The following HOOK1 variants were observed in gnomAD, a reference collection of about 807,000 sequenced individuals.
HOOK1 encodes hook microtubule tethering protein 1, also known as protein Hook homolog 1.
HOOK1 carries 60 observed loss-of-function variants against 112.8 expected under a neutral mutation model. The ratio of observed to expected loss-of-function variants is 0.53; its 90% CI spans 0.43 to 0.66. HOOK1 has a LOEUF of 0.66. Ranked by LOEUF, HOOK1 falls within the 30% of genes least tolerant of loss-of-function variation. HOOK1 has a pLI of 0.00. For synonymous variants in HOOK1, 294 were observed against 283.8 expected (o/e 1.04, Z -0.36); for missense variants, 770 against 856.0 (o/e 0.90, Z 1.25).
At chr1:59,853,476 G>T (rs2102052835) in intron 12 of HOOK1, among the ~76,000 whole-genome samples, 1 of 151,562 alleles carries the variant, frequency 6.6e-6, no homozygotes, top group East Asian at 1.9e-4. Context: ...AACTATATTT[G>T]TGTCTTTTAT....
chr1:59,815,626 A>G (rs568149418), intron 1 of HOOK1, among the ~76,000 whole-genome samples: 1 of 151,450 alleles, frequency 6.6e-6, no homozygotes, highest in African/African-American at 2.4e-5. Context: ...TCCTCAAACT[A>G]CCTTGCTCTA....
At chr1:59,828,570 G>T (rs144595394) in intron 2 of HOOK1, among the ~76,000 whole-genome samples, 1 of 152,056 alleles carries the variant, frequency 6.6e-6, no homozygotes, top group African/African-American at 2.4e-5. Context: ...AGGGCACCTA[G>T]TATTAAATAT....
At chr1:59,854,792 T>G (rs999891897) in intron 12 of HOOK1, among the ~76,000 whole-genome samples, 1 of 152,238 alleles carries the variant, frequency 6.6e-6, no homozygotes, top group Admixed American at 6.5e-5. Context: ...TTTATTGTAC[T>G]TTGAATTTGT....
rs542245094 is a variant in HOOK1 at position 59,875,908 on chromosome 1, C to T, written c.*2943C>T. The T allele has an allele frequency of 6.6e-6, 1 of 152,516 alleles. No homozygotes were observed. The highest frequency in any genetic ancestry group is 1.9e-4 in the East Asian group (1 of 5,188). 9.4% of individuals were successfully genotyped at this position (152,516 alleles called of 1,614,324 possible). On this transcript the variant is annotated 3_prime_UTR_variant, in exon 22 of 22. Coordinates refer to ENST00000371208, the MANE Select transcript of HOOK1 (RefSeq NM_015888.6). ...GTCATCATTTCTGATAATTAGAGTG[C>T]TAATTTGAATGTTAGATAATGTTTC...
chr1:59,850,731 AAG>A (rs1036724965), intron 12 of HOOK1, among the ~76,000 whole-genome samples: 5 of 151,536 alleles, frequency 3.3e-5, no homozygotes, highest in African/African-American at 7.2e-5. Context: ...GTATAACAAA[AAG>A]AGTAAACTGC....
rs1217469878 is a variant in HOOK1 at position 59,856,878 on chromosome 1, G to A, written c.1243-1550G>A. On this transcript the variant is annotated intron_variant, in intron 12 of 21. Coordinates refer to ENST00000371208, the MANE Select transcript of HOOK1 (RefSeq NM_015888.6). ...TGTTTATCCAGTGCTGAGACAATGC[G>A]GGCCCTCTCATGTCTTTTCTGGGCA... Among the ~76,000 whole-genome samples the A allele has an allele frequency of 5.3e-5, 8 of 152,136 alleles. No homozygotes were observed. The South Asian group carries it at 6.2e-4, about 12-fold the overall frequency.
chr1:59,848,234 G>T, intron 10 of HOOK1, 81 bp from the exon 11 acceptor site: 6 of 973,354 alleles, frequency 6.2e-6, no homozygotes, highest in Non-Finnish European at 9.2e-6. Context: ...TGATAGTTTG[G>T]AAGATTCATT....
Position 59,815,454 on chromosome 1 carries a change from G to A in HOOK1, c.63+274G>A, listed in dbSNP as rs147210328. On this transcript the variant is annotated intron_variant, in intron 1 of 21. Coordinates refer to ENST00000371208, the MANE Select transcript of HOOK1 (RefSeq NM_015888.6). Reference sequence around the variant, plus strand: ...AACCAGAGGATTCGACCTGCCTGGTGCCCTAACAGCTGGGATATGAACCAA... The same window carrying A: ...AACCAGAGGATTCGACCTGCCTGGTACCCTAACAGCTGGGATATGAACCAA... 1.5e-3 allele frequency: 757 copies of A among 510,880 alleles called. 6 individuals carry two copies. The highest frequency in any genetic ancestry group is 0.014 in the African/African-American group (684 of 49,228). The allele number at this position is 510,880 out of a possible 1,614,324, so 31.6% of individuals were successfully genotyped here.
chr1:59,842,850 A>G (rs2098401704), intron 8 of HOOK1, among the ~76,000 whole-genome samples: 1 of 152,088 alleles, frequency 6.6e-6, no homozygotes. Flanking sequence ...GGTACTGATA[A>G]TGATGTGGTT....
intron 12 of HOOK1, among the ~76,000 whole-genome samples, chr1:59,850,913 C>G (rs1241678286): frequency 6.6e-6 from 1 of 151,386 alleles, no homozygotes; most frequent in Non-Finnish European, 1.5e-5. Context: ...TTCTAAAAAC[C>G]TAAAACTGCT....
chr1:59,824,232 G>A (rs999024329), intron 2 of HOOK1, among the ~76,000 whole-genome samples: 6 of 150,110 alleles, frequency 4.0e-5, no homozygotes, highest in African/African-American at 1.5e-4. Flanking sequence ...TTTTGAGATG[G>A]AGTCTTGCTC....
chr1:59,862,907 G>C (rs770580551), intron 16 of HOOK1, 30 bp downstream of exon 16: 3 of 1,216,292 alleles, frequency 2.5e-6, no homozygotes, highest in Non-Finnish European at 3.7e-6. Context: ...TAATAATTCT[G>C]CTGTGTATGG....
At chr1:59,816,844 A>G (rs1292102864) in intron 1 of HOOK1, among the ~76,000 whole-genome samples, 1 of 152,214 alleles carries the variant, frequency 6.6e-6, no homozygotes, top group African/African-American at 2.4e-5. Context: ...AGAAAATTGA[A>G]TGACCGTGCA....
In HOOK1 at chr1:59,833,439, C is replaced by A; in HGVS notation, c.308C>A (p.Pro103His). The change falls in exon 5 of 22, where the codon CCT becomes CAT. Residue 103 changes from proline (P) to histidine (H), a missense_variant. Around this residue, in one of 3 missense-constraint regions of HOOK1, gnomAD observed 655 missense variants for 725.9 expected, o/e 0.90. Transcript: ENST00000371208. ...LGQQISEALI[P>H]DLNQITECSD... is the part of the protein sequence containing the mutation. ...CAGCAGATTTCAGAAGCACTTATCC[C>A]TGATTTAAACCAAATAACCGAATGT... is the stretch of plus-strand genomic sequence containing the variant. The A allele has an allele frequency of 6.4e-7, 1 of 1,564,032 alleles. No homozygotes were observed. The highest frequency in any genetic ancestry group is 1.2e-5 in the South Asian group (1 of 83,062).
At chr1:59,863,524 A>T (rs1031068249) in intron 16 of HOOK1, among the ~76,000 whole-genome samples, 3 of 152,150 alleles carry the variant, frequency 2.0e-5, no homozygotes, top group African/African-American at 7.2e-5. Flanking sequence ...CCAAAATCTG[A>T]CTATACCTAG....
intron 14 of HOOK1, 143 bp downstream of exon 14, chr1:59,859,188 ATAT>A (rs1301112690): frequency 1.2e-4 from 40 of 334,404 alleles, no homozygotes; most frequent in African/African-American, 5.4e-4. Flanking sequence ...TTTCTAAATC[ATAT>A]TATTATTGCT....
Position 59,862,358 on chromosome 1 carries a change from A to T in HOOK1, c.1533-426A>T, listed in dbSNP as rs946717425. Among the ~76,000 whole-genome samples the T allele has an allele frequency of 8.5e-5, 13 of 152,292 alleles. No individual in the cohort carries two copies. In the East Asian group the frequency reaches 2.1e-3, roughly 25 times the overall value. On this transcript the variant is annotated intron_variant, in intron 15 of 21. Coordinates refer to ENST00000371208, the MANE Select transcript of HOOK1 (RefSeq NM_015888.6). ...TGGCACTCCCTTTAATTTAAATTTA[A>T]AAAAACTTGTGGAAATGATTGGAAA...
In HOOK1 at chr1:59,876,224, A is replaced by G. The variant is rs1395796964; in HGVS notation, c.*3259A>G. 2.6e-5 allele frequency: 4 copies of G among 152,670 alleles called. No individual in the cohort carries two copies. The highest frequency in any genetic ancestry group is 3.8e-4 in the East Asian group (2 of 5,204). 9.5% of individuals were successfully genotyped at this position (152,670 alleles called of 1,614,324 possible). A position where few individuals can be genotyped will look rare whatever the true frequency, so the allele number is the denominator to read the frequency against. On this transcript the variant is annotated 3_prime_UTR_variant, in exon 22 of 22. Coordinates refer to ENST00000371208, the MANE Select transcript of HOOK1 (RefSeq NM_015888.6). ...TTATAAAAGGTCCTTTCTATTTTCT[A>G]TGGCAAAGACTTTGACACTTGAAAA...
chr1:59,852,102 A>T (rs1360788281), intron 12 of HOOK1, among the ~76,000 whole-genome samples: 5 of 151,710 alleles, frequency 3.3e-5, no homozygotes, highest in African/African-American at 1.2e-4. Flanking sequence ...CATCGGTATT[A>T]TAAGGGATAT....
Sources: gnomAD v4.1 joint callset for allele counts (sites outside exome capture counted in the v4.1 genomes callset) on GRCh38, gnomAD v4.1.1 for gene constraint, gnomAD v4.1.1 regional missense constraint, MANE v1.5 for transcripts, NCBI Gene and HGNC (gene_info 2026-07-23, HGNC 2026-07-21) for gene names.